The following SPART variants were observed in gnomAD, a reference collection of about 807,000 sequenced individuals.
SPART encodes the protein spartin, also known as spastic paraplegia 20 (Troyer syndrome).
SPART carries 35 observed loss-of-function variants against 58.7 expected under a neutral mutation model. That is an observed-to-expected ratio of 0.60 (90% CI 0.46 to 0.79). SPART has a LOEUF of 0.79. SPART is among the 30% of genes least tolerant of loss of function. The probability of loss-of-function intolerance (pLI) is 0.00; values close to 1 mark genes in which losing one functional copy is unlikely to be tolerated. For synonymous variants in SPART, 284 were observed against 280.7 expected (o/e 1.01, Z -0.12); for missense variants, 730 against 786.1 (o/e 0.93, Z 0.85).
In SPART at chr13:36,314,291, G is replaced by GA; in HGVS notation, c.1418dup (p.Thr474HisfsTer23). On this transcript the variant is annotated frameshift_variant, in exon 6 of 9. Transcript: ENST00000438666. LOFTEE classifies it high-confidence loss of function. ...GCTTCGCTATATAAAGTCCCTTGGT[G>GA]ACAGCTGGACTAACTTCCACGGGTT... 6.2e-7 allele frequency: 1 copy of GA among 1,614,134 alleles called. No homozygotes were observed. Among genetic ancestry groups the GA allele is most frequent in the Non-Finnish European group, 8.5e-7 (1 of 1,180,030 alleles).
chr13:36,306,293 T>C lies in SPART; in HGVS notation c.1734-1661A>G, dbSNP rs539559377. 1.2e-3 allele frequency among the ~76,000 whole-genome samples: 189 copies of C among 152,238 alleles called. 1 individual carries two copies. The highest frequency in any genetic ancestry group is 2.4e-4 in the Non-Finnish European group (16 of 68,020). On this transcript the variant is annotated intron_variant, in intron 8 of 8. Transcript: ENST00000438666. ...CACCATTGCTGATGGTGCCTTCTCATTGTCAACCAAGCCCCAGTAACAAAT... is the reference window on the plus strand; with the variant it reads ...CACCATTGCTGATGGTGCCTTCTCACTGTCAACCAAGCCCCAGTAACAAAT...
chr13:36,326,241 A>AG, intron 5 of SPART: 1 of 338,778 alleles, frequency 3.0e-6, no homozygotes, highest in South Asian at 2.5e-5. Flanking sequence ...GCTGAGGGAC[A>AG]GGGGTAGGGG....
rs538969812 is a variant in SPART at position 36,302,720 on chromosome 13, G to A, written c.*1645C>T. 4.6e-5 allele frequency: 7 copies of A among 152,212 alleles called. No individual in the cohort carries two copies. The South Asian group carries it at 1.5e-3, about 32-fold the overall frequency. The allele number at this position is 152,212 out of a possible 1,614,324, so 9.4% of individuals were successfully genotyped here. A position where few individuals can be genotyped will look rare whatever the true frequency, so the allele number is the denominator to read the frequency against. Reference sequence around the variant, plus strand: ...CATCAGGGTGTATCTACTGCTTCAAGCATTCATTTGTGTTACAAACGTCCC... The same window carrying A: ...CATCAGGGTGTATCTACTGCTTCAAACATTCATTTGTGTTACAAACGTCCC... On this transcript the variant is annotated 3_prime_UTR_variant, in exon 9 of 9. Coordinates refer to ENST00000438666, the MANE Select transcript of SPART (RefSeq NM_015087.5).
intron 5 of SPART, among the ~76,000 whole-genome samples, chr13:36,322,064 T>C (rs1009447200): frequency 2.6e-5 from 4 of 151,978 alleles, no homozygotes; most frequent in African/African-American, 4.8e-5. Context: ...TCCTATAAAA[T>C]GGCCCCACCC....
intron 1 of SPART, among the ~76,000 whole-genome samples, chr13:36,351,559 G>A (rs1885410217): frequency 6.6e-6 from 1 of 152,166 alleles, no homozygotes; most frequent in Non-Finnish European, 1.5e-5. Context: ...TAATAAAACA[G>A]TAGTAGTATA....
At chr13:36,345,264 G>C (rs1205097908) in intron 1 of SPART, among the ~76,000 whole-genome samples, 1 of 152,120 alleles carries the variant, frequency 6.6e-6, no homozygotes, top group East Asian at 1.9e-4. Flanking sequence ...GAGTGCCAGA[G>C]GTGAAGCCGA....
At chr13:36,339,308 G>C (rs1884335457) in intron 1 of SPART, among the ~76,000 whole-genome samples, 1 of 151,952 alleles carries the variant, frequency 6.6e-6, no homozygotes, top group Non-Finnish European at 1.5e-5. Flanking sequence ...AAAAGACAGA[G>C]ATGAAAAATA....
intron 5 of SPART, among the ~76,000 whole-genome samples, chr13:36,315,966 G>T (rs558009064): frequency 1.2e-4 from 18 of 152,338 alleles, no homozygotes; most frequent in African/African-American, 4.3e-4. Context: ...CACCATGGAA[G>T]TATACAGTAT....
chr13:36,325,091 C>G (rs1593247553), intron 5 of SPART, among the ~76,000 whole-genome samples: 1 of 152,172 alleles, frequency 6.6e-6, no homozygotes, highest in African/African-American at 2.4e-5. Flanking sequence ...GTCAAGTCAC[C>G]GCGGATGTGA....
At chr13:36,349,426 T>C (rs898021753), upstream of SPART, among the ~76,000 whole-genome samples, 1 of 152,216 alleles carries the variant, frequency 6.6e-6, no homozygotes, top group African/African-American at 2.4e-5. Flanking sequence ...CAGAATTACC[T>C]GGCATCCAAA....
chr13:36,341,564 T>C (rs571718931), intron 1 of SPART, among the ~76,000 whole-genome samples: 87 of 152,312 alleles, frequency 5.7e-4, no homozygotes, highest in Admixed American at 9.8e-4. Flanking sequence ...TCATTAGATG[T>C]GGCAATTCTT....
chr13:36,322,162 T>C (rs1360794341), intron 5 of SPART, among the ~76,000 whole-genome samples: 1 of 152,196 alleles, frequency 6.6e-6, no homozygotes, highest in Non-Finnish European at 1.5e-5. Context: ...CAAAGCCCGT[T>C]TGGTGGTCTC....
intron 4 of SPART, among the ~76,000 whole-genome samples, chr13:36,328,860 C>G (rs569894085): frequency 1.3e-5 from 2 of 152,060 alleles, no homozygotes; most frequent in Non-Finnish European, 2.9e-5. Context: ...GCATATCTAG[C>G]CCCCAAGCTC....
chr13:36,350,861 A>T (rs2137690511), upstream of SPART, among the ~76,000 whole-genome samples: 1 of 152,332 alleles, frequency 6.6e-6, no homozygotes, highest in Non-Finnish European at 1.5e-5. Context: ...AGGAGTAGGA[A>T]AAAAGATACT....
chr13:36,333,433 T>A (rs964452890), intron 2 of SPART, among the ~76,000 whole-genome samples: 2 of 150,762 alleles, frequency 1.3e-5, no homozygotes, highest in Non-Finnish European at 3.0e-5. Context: ...TATTGTATTT[T>A]TTTTTTTTTT....
intron 2 of SPART, 35 bp from the exon 3 acceptor site, chr13:36,331,631 T>C: frequency 7.1e-7 from 1 of 1,412,038 alleles, no homozygotes; most frequent in Non-Finnish European, 9.9e-7. Context: ...AAAATATACA[T>C]ATAAATAAAT....
chr13:36,364,027 G>T (rs911330470), intron 1 of SPART, among the ~76,000 whole-genome samples: 3 of 152,046 alleles, frequency 2.0e-5, no homozygotes, highest in Admixed American at 6.6e-5. Flanking sequence ...GTAGTATAAA[G>T]TTTTACATAT....
At chr13:36,356,046 A>G (rs1885609763) in intron 1 of SPART, among the ~76,000 whole-genome samples, 1 of 152,220 alleles carries the variant, frequency 6.6e-6, no homozygotes, top group Non-Finnish European at 1.5e-5. Context: ...AGTTAAATAA[A>G]TTAGAGTAGA....
At chr13:36,349,897 A>G (rs538118880), upstream of SPART, among the ~76,000 whole-genome samples, 5 of 152,302 alleles carry the variant, frequency 3.3e-5, no homozygotes, top group South Asian at 1.0e-3. Context: ...TGGTATCTGT[A>G]GTATTCGTCA....
Sources: gnomAD v4.1 joint callset for allele counts (sites outside exome capture counted in the v4.1 genomes callset) on GRCh38, gnomAD v4.1.1 for gene constraint, MANE v1.5 for transcripts, NCBI Gene and HGNC (gene_info 2026-07-23, HGNC 2026-07-21) for gene names.